Variants in MAP3K7 observed in about 807,000 individuals in gnomAD.
MAP3K7 encodes the protein TGF-beta activated kinase 1.
Under a neutral mutation model 84.8 loss-of-function variants are expected in MAP3K7, and 21 were observed. The ratio of observed to expected loss-of-function variants is 0.25; its 90% CI spans 0.18 to 0.36. MAP3K7 has a LOEUF of 0.36. Ranked by LOEUF, MAP3K7 falls within the 10% of genes least tolerant of loss-of-function variation. The pLI, the probability that MAP3K7 is intolerant of heterozygous loss-of-function variation, is 1.00. For missense variants in MAP3K7, 503 were observed against 747.7 expected (o/e 0.67, Z 3.82); for synonymous variants, 241 against 247.7 (o/e 0.97, Z 0.25).
intron 3 of MAP3K7, among the ~76,000 whole-genome samples, chr6:90,566,535 A>G (rs1286373640): frequency 2.0e-5 from 3 of 152,212 alleles, no homozygotes; most frequent in Non-Finnish European, 2.9e-5. Flanking sequence ...AAGGAGAACT[A>G]CAAACCACTG....
intron 9 of MAP3K7, 100 bp downstream of exon 9, chr6:90,550,368 A>G: frequency 1.4e-6 from 1 of 729,742 alleles, no homozygotes; most frequent in Non-Finnish European, 2.2e-6. Flanking sequence ...AGGAATTAAA[A>G]TGCAAATGGG....
intron 5 of MAP3K7, among the ~76,000 whole-genome samples, chr6:90,558,689 T>A (rs183522305): frequency 3.9e-4 from 60 of 152,322 alleles, no homozygotes; most frequent in African/African-American, 6.7e-4. Flanking sequence ...TGTAGTTGGA[T>A]GAAGATTAGG....
chr6:90,531,150 A>G (rs1357410150), intron 13 of MAP3K7, among the ~76,000 whole-genome samples: 1 of 152,184 alleles, frequency 6.6e-6, no homozygotes, highest in African/African-American at 2.4e-5. Flanking sequence ...GTAGACATGA[A>G]CCAGAATTGG....
intron 16 of MAP3K7, among the ~76,000 whole-genome samples, chr6:90,518,233 T>C (rs187432764): frequency 1.3e-5 from 2 of 151,732 alleles, no homozygotes; most frequent in African/African-American, 4.8e-5. Context: ...ACAACAAGTA[T>C]AAAGCACCAG....
chr6:90,545,426 G>C (rs1775973056), intron 11 of MAP3K7, among the ~76,000 whole-genome samples: 1 of 152,092 alleles, frequency 6.6e-6, no homozygotes, highest in Non-Finnish European at 1.5e-5. Context: ...CTAGAAATAT[G>C]ATACTAGCGA....
Position 90,571,755 on chromosome 6 carries a change from T to C in MAP3K7, c.173A>G (p.Lys58Arg). 6.2e-7 allele frequency: 1 copy of C among 1,606,538 alleles called. No homozygotes were observed. Among genetic ancestry groups the C allele is most frequent in the Non-Finnish European group, 8.5e-7 (1 of 1,176,782 alleles). The change falls in exon 2 of 17, where the codon AAA (lysine) becomes AGA (arginine). Residue 58 changes from lysine to arginine, a missense_variant. By Grantham distance (26) the Lys-to-Arg change is conservative. Transcript: ENST00000369329. ...TTCTATTTGTTTAATAGCAACATCT[T>C]TTGCTCTCCACTTAGCTTTGCAAAC... ...GVVCKAKWRAKDVAIKQIESE... is the reference protein window; with the variant it reads ...GVVCKAKWRARDVAIKQIESE...
chr6:90,581,356 C>CCT (rs1777264860), intron 1 of MAP3K7, among the ~76,000 whole-genome samples: 1 of 152,130 alleles, frequency 6.6e-6, no homozygotes, highest in Non-Finnish European at 1.5e-5. Flanking sequence ...CCTGGTGATG[C>CCT]TGGCATTGTT....
In MAP3K7 at chr6:90,544,536, A is replaced by G; in HGVS notation, c.1291+16T>C. 1 of 1,609,290 alleles carries G rather than the reference A, an allele frequency of 6.2e-7. No individual in the cohort carries two copies. Among genetic ancestry groups the G allele is most frequent in the Non-Finnish European group, 8.5e-7 (1 of 1,176,066 alleles). On this transcript the variant is annotated intron_variant, in intron 12 of 16. Transcript: ENST00000369329. ...GGTTCCACAGCTATTAGACCAACTC[A>G]GGTGGTCTATGATACCTGATATGAC...
At chr6:90,533,487 T>A (rs1775572470) in intron 13 of MAP3K7, among the ~76,000 whole-genome samples, 1 of 152,148 alleles carries the variant, frequency 6.6e-6, no homozygotes, top group Non-Finnish European at 1.5e-5. Flanking sequence ...TCGTTCCAGA[T>A]TGGCCGCTGT....
intron 5 of MAP3K7, among the ~76,000 whole-genome samples, chr6:90,558,674 T>C (rs931092374): frequency 6.6e-6 from 1 of 152,196 alleles, no homozygotes; most frequent in African/African-American, 2.4e-5. Context: ...CTAAAATTCA[T>C]GGGGTGTAGT....
At chr6:90,565,740 G>C (rs995209788) in intron 3 of MAP3K7, among the ~76,000 whole-genome samples, 8 of 152,068 alleles carry the variant, frequency 5.3e-5, no homozygotes, top group African/African-American at 1.9e-4. Flanking sequence ...TGATACCAAA[G>C]CCTGGCATAA....
intron 5 of MAP3K7, among the ~76,000 whole-genome samples, chr6:90,557,267 T>TA (rs916948530): frequency 1.3e-5 from 2 of 152,220 alleles, no homozygotes; most frequent in African/African-American, 4.8e-5. Context: ...CCAAGTAGCA[T>TA]ACTCTTACTT....
At chr6:90,519,822 C>G (rs1775089870) in intron 14 of MAP3K7, among the ~76,000 whole-genome samples, 1 of 151,866 alleles carries the variant, frequency 6.6e-6, no homozygotes, top group South Asian at 2.1e-4. Flanking sequence ...ATAATGTGAC[C>G]TCCACCACTC....
intron 5 of MAP3K7, among the ~76,000 whole-genome samples, chr6:90,556,963 G>A (rs561458445): frequency 3.3e-5 from 5 of 151,928 alleles, no homozygotes; most frequent in Admixed American, 6.6e-5. Flanking sequence ...TCAACATTAC[G>A]GTATCCTGAA....
intron 2 of MAP3K7, among the ~76,000 whole-genome samples, chr6:90,569,668 G>C (rs886549321): frequency 6.6e-6 from 1 of 151,924 alleles, no homozygotes; most frequent in African/African-American, 2.4e-5. Flanking sequence ...TTGTAGAGAT[G>C]GGGTTTTGCC....
In MAP3K7 at chr6:90,587,014, C is replaced by T. The variant is rs958246762; in HGVS notation, c.-131G>A. ...AGTCCTACTACCCGGCGATCCGTGG[C>T]GGGGGTAGAGGCAGCGGCCACAGCC... On this transcript the variant is annotated 5_prime_UTR_variant, in exon 1 of 17. Coordinates refer to ENST00000369329, the MANE Select transcript of MAP3K7 (RefSeq NM_145331.3). 1.6e-5 allele frequency: 18 copies of T among 1,158,204 alleles called. No individual in the cohort carries two copies. The Admixed American group carries it at 4.3e-4, about 27-fold the overall frequency. The allele number at this position is 1,158,204 out of a possible 1,614,324, so 71.7% of individuals were successfully genotyped here.
In MAP3K7 at chr6:90,556,880, G is replaced by C. The variant is rs34106341; in HGVS notation, c.483-256C>G. ...TCACATTCTGATGTCTTCATCTCTA[G>C]CTCCAAAATCTTTCCTGATCATACT... On this transcript the variant is annotated intron_variant, in intron 5 of 16. Coordinates refer to ENST00000369329, the MANE Select transcript of MAP3K7 (RefSeq NM_145331.3). Among the ~76,000 whole-genome samples, 718 of 152,188 alleles carry C rather than the reference G, an allele frequency of 4.7e-3. 7 individuals are homozygous for C. The highest frequency in any genetic ancestry group is 0.016 in the African/African-American group (678 of 41,518).
intron 13 of MAP3K7, among the ~76,000 whole-genome samples, chr6:90,529,896 T>TAA (rs1244591303): frequency 6.6e-6 from 1 of 152,208 alleles, no homozygotes; most frequent in Non-Finnish European, 1.5e-5. Context: ...ACTCATTGAA[T>TAA]AAAATGAGAA....
Position 90,514,056 on chromosome 6 carries a change from G to A in MAP3K7, c.*2445C>T, listed in dbSNP as rs1774882636. 1.3e-5 allele frequency: 1 copy of A among 75,898 alleles called. No homozygotes were observed. The highest frequency in any genetic ancestry group is 5.6e-5 in the African/African-American group (1 of 17,848). 4.7% of individuals were successfully genotyped at this position (75,898 alleles called of 1,614,324 possible). On this transcript the variant is annotated 3_prime_UTR_variant, in exon 17 of 17. Transcript: ENST00000369329. ...TTGCTTTCTTTTCCTGGAGTCAAGAGTAAAATGTAATTAATGTAATTAGGG... is the reference window on the plus strand; with the variant it reads ...TTGCTTTCTTTTCCTGGAGTCAAGAATAAAATGTAATTAATGTAATTAGGG...
Sources: gnomAD v4.1 joint callset for allele counts (sites outside exome capture counted in the v4.1 genomes callset) on GRCh38, gnomAD v4.1.1 for gene constraint, MANE v1.5 for transcripts, NCBI Gene and HGNC (gene_info 2026-07-23, HGNC 2026-07-21) for gene names.